The following SUCLG2 variants were observed in gnomAD, a reference collection of about 807,000 sequenced individuals.
SUCLG2 encodes succinate-CoA ligase GDP-forming subunit beta.
SUCLG2 carries 42 observed loss-of-function variants against 47.9 expected under a neutral mutation model. That is an observed-to-expected ratio of 0.88 (90% CI 0.69 to 1.14). SUCLG2 has a LOEUF of 1.14. Among genes scored for constraint, SUCLG2 ranks in the 50% most tolerant of loss-of-function variants. SUCLG2 has a pLI of 0.00. For synonymous variants in SUCLG2, 195 were observed against 197.3 expected (o/e 0.99, Z 0.10); for missense variants, 571 against 525.9 (o/e 1.09, Z -0.84).
In SUCLG2 at chr3:67,578,082, A is replaced by G. The variant is rs140676507; in HGVS notation, c.226+31373T>C. ...GGCTTTTATCTCTGATTTGGTCAAC[A>G]TTTTTAACTCCTAACACTTCAAAAT... On this transcript the variant is annotated intron_variant, in intron 2 of 10. Transcript: ENST00000307227. 1.7e-3 allele frequency among the ~76,000 whole-genome samples: 261 copies of G among 151,976 alleles called. 4 individuals carry two copies. In the East Asian group the frequency reaches 0.036, roughly 21 times the overall value.
intron 10 of SUCLG2, among the ~76,000 whole-genome samples, chr3:67,387,231 T>C (rs781152814): frequency 1.3e-5 from 2 of 152,024 alleles, no homozygotes; most frequent in Non-Finnish European, 2.9e-5. Context: ...AAAAGGAAAA[T>C]AAGTGACAAA....
At chr3:67,441,164 G>C (rs1703753036) in intron 9 of SUCLG2, among the ~76,000 whole-genome samples, 1 of 152,098 alleles carries the variant, frequency 6.6e-6, no homozygotes. Context: ...CTCATAAGTA[G>C]GAGTTGAACA....
intron 2 of SUCLG2, among the ~76,000 whole-genome samples, chr3:67,605,541 C>A (rs1700394970): frequency 6.6e-6 from 1 of 152,126 alleles, no homozygotes; most frequent in East Asian, 1.9e-4. Flanking sequence ...CTCATTCATT[C>A]ACCAAATAAG....
intron 9 of SUCLG2, among the ~76,000 whole-genome samples, chr3:67,446,734 G>C (rs1703937619): frequency 1.3e-5 from 2 of 151,926 alleles, no homozygotes; most frequent in African/African-American, 2.4e-5. Flanking sequence ...ACCCAGCCAT[G>C]TGCAGGTCTT....
At chr3:67,610,906 C>T (rs1700516389) in intron 1 of SUCLG2, among the ~76,000 whole-genome samples, 2 of 152,296 alleles carry the variant, frequency 1.3e-5, no homozygotes, top group South Asian at 2.1e-4. Flanking sequence ...TCTATACCCC[C>T]ACTACTAGAC....
At chr3:67,476,848 T>C (rs73104361) in intron 9 of SUCLG2, among the ~76,000 whole-genome samples, 3,467 of 152,036 alleles carry the variant, frequency 0.023, 51 homozygotes, top group African/African-American at 0.036. Context: ...CAGGAAAAAA[T>C]GGAAACTGGT....
intron 1 of SUCLG2, among the ~76,000 whole-genome samples, chr3:67,652,507 CAG>C (rs1430989160): frequency 2.6e-5 from 4 of 152,106 alleles, no homozygotes; most frequent in Admixed American, 6.5e-5. Flanking sequence ...GTACATGAAA[CAG>C]ATCATAGGAA....
intron 9 of SUCLG2, among the ~76,000 whole-genome samples, chr3:67,423,333 T>A (rs913324475): frequency 6.6e-6 from 1 of 152,112 alleles, no homozygotes; most frequent in Non-Finnish European, 1.5e-5. Context: ...GAACTGTGAG[T>A]CAATTTAAAC....
intron 1 of SUCLG2, among the ~76,000 whole-genome samples, chr3:67,627,568 T>C (rs933743781): frequency 2.0e-5 from 3 of 152,248 alleles, no homozygotes; most frequent in African/African-American, 4.8e-5. Flanking sequence ...TTCATTGCTC[T>C]GCGGGGCTGA....
chr3:67,397,508 T>G (rs1575669118), intron 10 of SUCLG2, among the ~76,000 whole-genome samples: 1 of 152,018 alleles, frequency 6.6e-6, no homozygotes, highest in Non-Finnish European at 1.5e-5. Flanking sequence ...CACTGCTCAA[T>G]GAAATAAAAG....
intron 1 of SUCLG2, among the ~76,000 whole-genome samples, chr3:67,644,121 A>G (rs1279260962): frequency 6.6e-6 from 1 of 152,222 alleles, no homozygotes; most frequent in Non-Finnish European, 1.5e-5. Context: ...CCCAAGCTAC[A>G]TATGATACAA....
At chr3:67,469,439 A>AC (rs1553647540) in intron 9 of SUCLG2, among the ~76,000 whole-genome samples, 1 of 152,022 alleles carries the variant, frequency 6.6e-6, no homozygotes, top group East Asian at 1.9e-4. Context: ...TTTTAAAATA[A>AC]TTTTTTTTGG....
intron 10 of SUCLG2, among the ~76,000 whole-genome samples, chr3:67,394,283 AG>A (rs1342366970): frequency 6.6e-6 from 1 of 152,008 alleles, no homozygotes. Flanking sequence ...AAAAAAATTT[AG>A]ATGAATGTAT....
At chr3:67,362,546 C>T (rs2106739085) in intron 10 of SUCLG2, among the ~76,000 whole-genome samples, 1 of 152,168 alleles carries the variant, frequency 6.6e-6, no homozygotes, top group South Asian at 2.1e-4. Context: ...TTAAGCTGGT[C>T]TCCTCCATGA....
At chr3:67,487,239 A>G (rs1302989234) in intron 9 of SUCLG2, among the ~76,000 whole-genome samples, 1 of 152,156 alleles carries the variant, frequency 6.6e-6, no homozygotes, top group East Asian at 1.9e-4. Context: ...GTACCATGGT[A>G]TGTTGATTCA....
chr3:67,619,309 C>T (rs1220328226), intron 1 of SUCLG2, among the ~76,000 whole-genome samples: 1 of 152,190 alleles, frequency 6.6e-6, no homozygotes, highest in Non-Finnish European at 1.5e-5. Context: ...GCTCATTTTA[C>T]AGATAAGCAA....
At chr3:67,406,245 C>G (rs916889198) in intron 9 of SUCLG2, among the ~76,000 whole-genome samples, 1 of 152,164 alleles carries the variant, frequency 6.6e-6, no homozygotes, top group Non-Finnish European at 1.5e-5. Flanking sequence ...TATTGCAAGA[C>G]TGCTCAATAA....
chr3:67,563,975 A>G (rs1193632748), intron 2 of SUCLG2, among the ~76,000 whole-genome samples: 6 of 151,132 alleles, frequency 4.0e-5, no homozygotes, highest in African/African-American at 7.3e-5. Flanking sequence ...AAAAAAAAAA[A>G]AAAGAAAAAA....
intron 2 of SUCLG2, among the ~76,000 whole-genome samples, chr3:67,541,084 C>G (rs1706692700): frequency 1.3e-5 from 2 of 152,126 alleles, no homozygotes; most frequent in South Asian, 4.1e-4. Context: ...TTAGATAAAT[C>G]CACGAAGATA....
Sources: allele counts gnomAD v4.1 joint callset (sites outside exome capture counted in the v4.1 genomes callset), GRCh38; gene constraint gnomAD v4.1.1; transcripts MANE v1.5; gene names NCBI Gene and HGNC (gene_info 2026-07-23, HGNC 2026-07-21).